Variants in HPSE2 observed in about 807,000 individuals in gnomAD.
HPSE2 encodes the protein heparanase 2 (inactive).
In HPSE2, 38 loss-of-function variants were observed where a neutral mutation model predicts 60.5. The observed-to-expected ratio is 0.63, with a 90% confidence interval of 0.48 to 0.82. The LOEUF (loss-of-function observed/expected upper bound fraction) is 0.82. Ranked by LOEUF, HPSE2 falls within the 40% of genes least tolerant of loss-of-function variation. The pLI is 0.00. For synonymous variants in HPSE2, 295 were observed against 293.2 expected, an observed-to-expected ratio of 1.01 and a Z score of -0.06; for missense variants, 713 against 740.4, an observed-to-expected ratio of 0.96 and a Z score of 0.43.
the HPSE2 span, among the ~76,000 whole-genome samples, chr10:99,252,073 A>G: frequency 2.6e-5 from 4 of 151,986 alleles, no homozygotes; most frequent in African/African-American, 9.7e-5. Flanking sequence ...AAAACATATG[A>G]TCATCTCAAT....
intron 3 of HPSE2, among the ~76,000 whole-genome samples, chr10:98,960,368 T>A (rs1054236437): frequency 6.6e-6 from 1 of 152,162 alleles, no homozygotes; most frequent in Non-Finnish European, 1.5e-5. Flanking sequence ...TATTTTTAGT[T>A]ACGGTCTATT....
chr10:99,179,006 CA>C (rs1368620864), intron 2 of HPSE2, among the ~76,000 whole-genome samples: 2 of 152,092 alleles, frequency 1.3e-5, no homozygotes, highest in African/African-American at 4.8e-5. Flanking sequence ...TAAACAGAAC[CA>C]AAGACAAAAA....
intron 3 of HPSE2, among the ~76,000 whole-genome samples, chr10:98,991,990 A>C (rs1478774749): frequency 1.3e-5 from 2 of 152,300 alleles, no homozygotes; most frequent in Non-Finnish European, 2.9e-5. Context: ...ACCTTTCTCT[A>C]AAGCCATATA....
chr10:98,553,439 G>A (rs545069835), intron 9 of HPSE2, among the ~76,000 whole-genome samples: 3 of 152,302 alleles, frequency 2.0e-5, no homozygotes, highest in Admixed American at 1.3e-4. Context: ...TTACCTGTGT[G>A]TTCAGTCTCA....
chr10:98,860,675 T>G (rs145565251), intron 3 of HPSE2, among the ~76,000 whole-genome samples: 1 of 152,268 alleles, frequency 6.6e-6, no homozygotes, highest in Non-Finnish European at 1.5e-5. Flanking sequence ...TCTCAGATAT[T>G]ATGCTATTAA....
intron 3 of HPSE2, among the ~76,000 whole-genome samples, chr10:98,989,332 T>A (rs966017796): frequency 4.6e-5 from 7 of 152,168 alleles, no homozygotes; most frequent in African/African-American, 1.7e-4. Context: ...AATGATGAGT[T>A]CATGTCCTTT....
Position 99,184,787 on chromosome 10 carries a change from T to TATATATATATATATATATATATATA in HPSE2, c.449-40413_449-40389dup. On this transcript the variant is annotated intron_variant, in intron 2 of 11. Coordinates refer to ENST00000370552, the MANE Select transcript of HPSE2 (RefSeq NM_021828.5). ...ATGTGGCAACAGAACTATCCAAAAT[T>TATATATATATATATATATATATATA]ATATATATATATATATATATATATA... Among the ~76,000 whole-genome samples, 4 of 17,436 alleles carry TATATATATATATATATATATATATA rather than the reference T, an allele frequency of 2.3e-4. 1 individual carries two copies. The highest frequency in any genetic ancestry group is 4.6e-4 in the Non-Finnish European group (4 of 8,754). 11.4% of individuals were successfully genotyped at this position (17,436 alleles called of 152,430 possible).
chr10:98,793,510 G>A (rs548580287), intron 3 of HPSE2, among the ~76,000 whole-genome samples: 1 of 152,336 alleles, frequency 6.6e-6, no homozygotes, highest in South Asian at 2.1e-4. Context: ...GATTATGGAA[G>A]TCATCAGAAC....
At chr10:98,716,055 C>T (rs1051605812) in intron 5 of HPSE2, among the ~76,000 whole-genome samples, 7 of 151,996 alleles carry the variant, frequency 4.6e-5, no homozygotes, top group African/African-American at 1.7e-4. Flanking sequence ...TATTCTAAAT[C>T]CTTTTGTATC....
chr10:99,003,824 T>G (rs573384111), intron 3 of HPSE2, among the ~76,000 whole-genome samples: 1 of 152,166 alleles, frequency 6.6e-6, no homozygotes, highest in East Asian at 1.9e-4. Flanking sequence ...CTTTTTAGTT[T>G]GATATAATCC....
At chr10:98,678,954 C>T (rs1947715517) in intron 6 of HPSE2, among the ~76,000 whole-genome samples, 1 of 151,892 alleles carries the variant, frequency 6.6e-6, no homozygotes, top group Non-Finnish European at 1.5e-5. Context: ...AAACAAAAAA[C>T]CCAGGGCATT....
intron 3 of HPSE2, among the ~76,000 whole-genome samples, chr10:98,963,351 G>A (rs1347943310): frequency 6.6e-6 from 1 of 152,150 alleles, no homozygotes; most frequent in African/African-American, 2.4e-5. Flanking sequence ...ACCTGCAGAT[G>A]ACTGCTATTC....
At chr10:98,887,237 A>T (rs755392898) in intron 3 of HPSE2, among the ~76,000 whole-genome samples, 4 of 152,146 alleles carry the variant, frequency 2.6e-5, no homozygotes, top group Non-Finnish European at 5.9e-5. Context: ...CCAAGACTGG[A>T]TCTCAGTTTA....
intron 3 of HPSE2, among the ~76,000 whole-genome samples, chr10:98,926,926 G>T (rs1277954358): frequency 6.6e-6 from 1 of 152,206 alleles, no homozygotes; most frequent in Non-Finnish European, 1.5e-5. Flanking sequence ...GGTTTTGAGT[G>T]AGATTCTTAA....
chr10:99,160,398 G>T (rs1231197087), intron 2 of HPSE2, among the ~76,000 whole-genome samples: 3 of 152,106 alleles, frequency 2.0e-5, no homozygotes, highest in Admixed American at 2.0e-4. Context: ...CACTAGAATA[G>T]TTATAACCCA....
chr10:98,777,264 A>G (rs1023371221), intron 3 of HPSE2, among the ~76,000 whole-genome samples: 8 of 152,188 alleles, frequency 5.3e-5, no homozygotes, highest in Admixed American at 1.3e-4. Context: ...GAGAGTAAAC[A>G]CAATAACACA....
At chr10:98,778,553 T>C (rs1326228678) in intron 3 of HPSE2, among the ~76,000 whole-genome samples, 1 of 152,070 alleles carries the variant, frequency 6.6e-6, no homozygotes, top group Non-Finnish European at 1.5e-5. Flanking sequence ...TATATCTGGA[T>C]CAACCACACT....
chr10:98,739,016 T>A (rs941503528), intron 4 of HPSE2, among the ~76,000 whole-genome samples: 1 of 152,184 alleles, frequency 6.6e-6, no homozygotes, highest in East Asian at 1.9e-4. Flanking sequence ...TAAAGACACA[T>A]GCACACGTAT....
At chr10:98,832,169 T>A (rs907166040) in intron 3 of HPSE2, among the ~76,000 whole-genome samples, 4 of 152,102 alleles carry the variant, frequency 2.6e-5, no homozygotes, top group African/African-American at 9.7e-5. Context: ...GTTCAGTCAA[T>A]CTCCAATTGA....
Sources: allele counts gnomAD v4.1 joint callset (sites outside exome capture counted in the v4.1 genomes callset), GRCh38; gene constraint gnomAD v4.1.1; transcripts MANE v1.5; gene names NCBI Gene and HGNC (gene_info 2026-07-23, HGNC 2026-07-21).